The following HMCN1 variants were observed in gnomAD, a reference collection of about 807,000 sequenced individuals.
HMCN1 encodes hemicentin 1.
HMCN1 carries 321 observed loss-of-function variants against 625.9 expected under a neutral mutation model. The observed-to-expected ratio is 0.51, with a 90% CI of 0.47 to 0.56. The LOEUF is 0.56. Ranked by LOEUF, HMCN1 falls within the 20% of genes least tolerant of loss-of-function variation. HMCN1 has a pLI of 0.00. For synonymous variants in HMCN1, 2,425 were observed against 2,417.6 expected, an observed-to-expected ratio of 1.00 and a Z score of -0.09; for missense variants, 6,588 against 6,887.3, an observed-to-expected ratio of 0.96 and a Z score of 1.54.
intron 56 of HMCN1, 47 bp from the exon 57 acceptor site, chr1:186,082,818 T>C (rs1438327530): frequency 8.8e-6 from 9 of 1,022,500 alleles, no homozygotes; most frequent in Non-Finnish European, 1.2e-5. Context: ...ATATGACAAG[T>C]TGCTTTATTC....
chr1:185,864,584 C>G lies in HMCN1; in HGVS notation c.454C>G (p.Leu152Val). Residue 152 changes from leucine to valine, a missense_variant, in exon 3 of 107, where the codon CTC (leucine) becomes GTC (valine). Physicochemically the swap from Leu to Val is conservative, Grantham distance 32 (BLOSUM62 1). Transcript: ENST00000271588. ...FTDARSKDYR[L>V]THEVLQLIQQ... ...TGATGCTCGGTCCAAAGATTACCGGCTCACCCATGAGGTGCTGCAACTTAT... is the reference window on the plus strand; with the variant it reads ...TGATGCTCGGTCCAAAGATTACCGGGTCACCCATGAGGTGCTGCAACTTAT... 1 of 1,614,042 alleles carries G rather than the reference C, an allele frequency of 6.2e-7. No homozygotes were observed. Among genetic ancestry groups the G allele is most frequent in the South Asian group, 1.1e-5 (1 of 91,066 alleles).
intron 30 of HMCN1, among the ~76,000 whole-genome samples, chr1:186,012,285 G>C (rs913685582): frequency 6.6e-6 from 1 of 150,412 alleles, no homozygotes; most frequent in Non-Finnish European, 1.5e-5. Context: ...AATCTTAAAA[G>C]ATTCTGCTTC....
chr1:186,093,402 G>C, intron 65 of HMCN1, 84 bp from the exon 66 acceptor site: 1 of 1,578,666 alleles, frequency 6.3e-7, no homozygotes, highest in Non-Finnish European at 8.7e-7. Context: ...ATTTTGAAAT[G>C]AGAGCAATTG....
intron 1 of HMCN1, among the ~76,000 whole-genome samples, chr1:185,793,006 T>C (rs537207559): frequency 1.5e-4 from 23 of 152,336 alleles, no homozygotes; most frequent in South Asian, 6.2e-4. Flanking sequence ...CAGCATTTCA[T>C]TGGAAAAACA....
chr1:185,911,040 T>C (rs1251663189), intron 5 of HMCN1, among the ~76,000 whole-genome samples: 4 of 152,176 alleles, frequency 2.6e-5, no homozygotes, highest in Non-Finnish European at 5.9e-5. Context: ...TGCTACTTCA[T>C]TGCACTGCCT....
chr1:186,001,279 G>A lies in HMCN1; in HGVS notation c.4070-19G>A. The stretch of plus-strand genomic sequence containing the variant: ...ATTTATTATGAAACTAGCTAGCTAT[G>A]ACTCCTCTCTTTTTGCAGTTCCTCC... On this transcript the variant is annotated intron_variant, in intron 26 of 106. Transcript: ENST00000271588. 6.2e-7 allele frequency: 1 copy of A among 1,603,772 alleles called. No homozygotes were observed. Among genetic ancestry groups the A allele is most frequent in the Non-Finnish European group, 8.5e-7 (1 of 1,171,800 alleles).
intron 102 of HMCN1, 114 bp downstream of exon 102, chr1:186,172,245 C>T: frequency 1.4e-6 from 2 of 1,438,418 alleles, no homozygotes; most frequent in Non-Finnish European, 1.9e-6. Context: ...GGAAATCTTT[C>T]TTTTTCCATA....
intron 97 of HMCN1, among the ~76,000 whole-genome samples, chr1:186,162,996 C>T (rs1651614543): frequency 1.3e-5 from 2 of 152,220 alleles, no homozygotes; most frequent in East Asian, 3.9e-4. Flanking sequence ...TTTGTCTGTG[C>T]CCTGCCCCCA....
In HMCN1 at chr1:186,067,965, G is replaced by A. The variant is rs1658233763; in HGVS notation, c.7837G>A (p.Gly2613Ser). ...AGCTACCATCACCTGGTTTAAGGAT[G>A]GCACTCCTTTAGAATCTAACCGAAA... Reference protein sequence around the residue: ...PPATITWFKDGTPLESNRNIR... With the variant: ...PPATITWFKDSTPLESNRNIR... The change falls in exon 50 of 107, where the codon GGC becomes AGC. Residue 2613 changes from glycine (G) to serine (S), a missense_variant. By Grantham distance (56) the Gly-to-Ser change is moderately conservative. Coordinates refer to ENST00000271588, the MANE Select transcript of HMCN1 (RefSeq NM_031935.3). 1 of 1,613,552 alleles carries A rather than the reference G, an allele frequency of 6.2e-7. No individual in the cohort carries two copies. The highest frequency in any genetic ancestry group is 1.3e-5 in the African/African-American group (1 of 74,916).
At chr1:186,033,445 C>T (rs1233725779) in intron 36 of HMCN1, among the ~76,000 whole-genome samples, 1 of 152,096 alleles carries the variant, frequency 6.6e-6, no homozygotes, top group East Asian at 1.9e-4. Flanking sequence ...TTGAGATAAA[C>T]ATTAACATAA....
At chr1:186,161,331 G>C (rs577776680) in intron 97 of HMCN1, among the ~76,000 whole-genome samples, 2 of 151,758 alleles carry the variant, frequency 1.3e-5, no homozygotes, top group African/African-American at 2.4e-5. Flanking sequence ...TGTGAGATGG[G>C]TTTCCTGAAT....
intron 4 of HMCN1, among the ~76,000 whole-genome samples, chr1:185,881,457 C>T (rs1224177146): frequency 6.6e-6 from 1 of 152,166 alleles, no homozygotes; most frequent in Admixed American, 6.5e-5. Flanking sequence ...CCCCAGTATC[C>T]AGCTTCTTCT....
At chr1:185,978,188 A>C (rs1651364136) in intron 16 of HMCN1, 3 of 522,676 alleles carry the variant, frequency 5.7e-6, no homozygotes, top group Non-Finnish European at 1.0e-5. Flanking sequence ...TATGTCATTA[A>C]TTTATCATAA....
chr1:185,896,520 CAT>C (rs1665499058), intron 4 of HMCN1, among the ~76,000 whole-genome samples: 1 of 152,060 alleles, frequency 6.6e-6, no homozygotes, highest in Non-Finnish European at 1.5e-5. Context: ...CTTTATTTTA[CAT>C]GTTTACATAG....
chr1:186,151,843 T>C, intron 95 of HMCN1, 100 bp downstream of exon 95: 6 of 1,243,786 alleles, frequency 4.8e-6, no homozygotes, highest in Non-Finnish European at 6.9e-6. Context: ...AATTTGAAAC[T>C]TTTTACGCAA....
intron 97 of HMCN1, among the ~76,000 whole-genome samples, chr1:186,156,829 T>C (rs1468425028): frequency 6.6e-6 from 1 of 152,210 alleles, no homozygotes; most frequent in African/African-American, 2.4e-5. Context: ...TTTATTCATT[T>C]AACAAATATT....
intron 104 of HMCN1, 78 bp from the exon 105 acceptor site, chr1:186,182,090 A>C: frequency 6.5e-7 from 1 of 1,539,570 alleles, no homozygotes; most frequent in Non-Finnish European, 9.0e-7. Flanking sequence ...TATATCAACA[A>C]CTTGATGAGA....
chr1:186,093,276 C>T lies in HMCN1; in HGVS notation c.10012+18C>T. 1 of 1,613,100 alleles carries T rather than the reference C, an allele frequency of 6.2e-7. No individual in the cohort carries two copies. The highest frequency in any genetic ancestry group is 1.1e-5 in the South Asian group (1 of 91,064). The stretch of plus-strand genomic sequence containing the variant: ...TGTCTATGGTAAATATGAAATATCC[C>T]CCTCTTTTGATGATGCTGCCTTAAG... On this transcript the variant is annotated intron_variant, in intron 65 of 106. Coordinates refer to ENST00000271588, the MANE Select transcript of HMCN1 (RefSeq NM_031935.3).
chr1:185,997,033 A>G (rs1453848658), intron 24 of HMCN1, among the ~76,000 whole-genome samples: 1 of 152,138 alleles, frequency 6.6e-6, no homozygotes, highest in African/African-American at 2.4e-5. Context: ...TAGCCTGGTA[A>G]GAGGAAATAA....
Sources: allele counts gnomAD v4.1 joint callset (sites outside exome capture counted in the v4.1 genomes callset), GRCh38; gene constraint gnomAD v4.1.1; transcripts MANE v1.5; gene names NCBI Gene and HGNC (gene_info 2026-07-23, HGNC 2026-07-21).